The following ING5 variants were observed in gnomAD, a reference collection of about 807,000 sequenced individuals.
ING5 encodes inhibitor of growth family member 5.
In ING5, 17 loss-of-function variants were observed where a neutral mutation model predicts 37.4. That is an observed-to-expected ratio of 0.45 (90% CI 0.31 to 0.68). The LOEUF (loss-of-function observed/expected upper bound fraction) is 0.68. Among genes scored for constraint, ING5 ranks in the 30% least tolerant of loss-of-function variants. ING5 has a pLI of 0.05. For missense variants in ING5, 233 were observed against 311.9 expected, an observed-to-expected ratio of 0.75 and a Z score of 1.91; for synonymous variants, 123 against 116.6, an observed-to-expected ratio of 1.06 and a Z score of -0.36.
At chr2:241,716,475 A>C (rs968880158) in intron 5 of ING5, among the ~76,000 whole-genome samples, 3 of 141,824 alleles carry the variant, frequency 2.1e-5, no homozygotes, top group African/African-American at 7.5e-5. Context: ...TTGTATTTTT[A>C]GTAGAGACAG....
At chr2:241,712,693 A>ACGAAG (rs2070146803) in intron 5 of ING5, among the ~76,000 whole-genome samples, 1 of 152,140 alleles carries the variant, frequency 6.6e-6, no homozygotes, top group Non-Finnish European at 1.5e-5. Flanking sequence ...CTGAAATGCC[A>ACGAAG]CGAAGCCTCT....
At chr2:241,724,946 C>T (rs547791477) in intron 7 of ING5, 43 bp from the exon 8 acceptor site, 16 of 1,608,036 alleles carry the variant, frequency 1.0e-5, no homozygotes, top group South Asian at 3.3e-5. Flanking sequence ...TGCGCGCTGG[C>T]GGAAATGGCG....
chr2:241,708,182 C>T (rs778048066), intron 2 of ING5, among the ~76,000 whole-genome samples: 5 of 151,826 alleles, frequency 3.3e-5, no homozygotes, highest in African/African-American at 9.7e-5. Flanking sequence ...AGGCGTGAGC[C>T]GCCGTGCATG....
chr2:241,716,808 G>A (rs970997987), intron 5 of ING5, among the ~76,000 whole-genome samples: 2 of 152,130 alleles, frequency 1.3e-5, no homozygotes, highest in African/African-American at 2.4e-5. Flanking sequence ...CGTGAAACAC[G>A]CCTTAAAATA....
chr2:241,706,313 C>T (rs1166792861), intron 2 of ING5, among the ~76,000 whole-genome samples: 6 of 151,680 alleles, frequency 4.0e-5, no homozygotes, highest in Non-Finnish European at 7.4e-5. Flanking sequence ...TGGTAGGTTC[C>T]TGAAAAAAAG....
intron 5 of ING5, 47 bp downstream of exon 5, chr2:241,712,118 C>A (rs2070129392): frequency 7.1e-7 from 1 of 1,414,732 alleles, no homozygotes; most frequent in Non-Finnish European, 9.7e-7. Flanking sequence ...ATACCCATAG[C>A]CTGTATCCCG....
In ING5 at chr2:241,708,213, GT is replaced by G. The variant is rs982217889; in HGVS notation, c.110-991del. Among the ~76,000 whole-genome samples, 571 of 131,430 alleles carry G rather than the reference GT, an allele frequency of 4.3e-3. 3 individuals carry two copies. In the Middle Eastern group the frequency reaches 0.063, roughly 15 times the overall value. The allele number at this position is 131,430 out of a possible 152,430, so 86.2% of individuals were successfully genotyped here. A position where few individuals can be genotyped will look rare whatever the true frequency, so the allele number is the denominator to read the frequency against. Reference sequence around the variant, plus strand: ...GCATGGCCTTCAACAGTTTTCTTTTGTTTTTTTTTTTTGAGATGGAGTCTCA... The same window carrying G: ...GCATGGCCTTCAACAGTTTTCTTTTGTTTTTTTTTTTGAGATGGAGTCTCA... On this transcript the variant is annotated intron_variant, in intron 2 of 7. Transcript: ENST00000313552.
At chr2:241,718,686 G>T (rs1198712863) in intron 5 of ING5, among the ~76,000 whole-genome samples, 1 of 152,034 alleles carries the variant, frequency 6.6e-6, no homozygotes, top group African/African-American at 2.4e-5. Flanking sequence ...CGATGTGCTG[G>T]GATTACAGGC....
At position 241,718,855 on chromosome 2, in the gene ING5, T is replaced by C. The variant is rs547709030; in HGVS notation, c.483-4084T>C. ...ACTTGAGTAGCCGGGATCACAGGCA[T>C]GTGCCACCATTCCTTGGTAACCAGC... On this transcript the variant is annotated intron_variant, in intron 5 of 7. Transcript: ENST00000313552. Among the ~76,000 whole-genome samples the C allele has an allele frequency of 2.0e-4, 31 of 152,286 alleles. No individual in the cohort carries two copies. The South Asian group carries it at 4.1e-3, about 20-fold the overall frequency.
chr2:241,713,367 GTTT>G (rs1166786436), intron 5 of ING5, among the ~76,000 whole-genome samples: 3 of 102,312 alleles, frequency 2.9e-5, no homozygotes, highest in Admixed American at 1.0e-4. Flanking sequence ...CCAATTTTCA[GTTT>G]TTTTTTTTTT....
intron 2 of ING5, among the ~76,000 whole-genome samples, chr2:241,707,366 C>G (rs904056777): frequency 1.3e-5 from 2 of 149,800 alleles, no homozygotes; most frequent in Non-Finnish European, 3.0e-5. Flanking sequence ...TCTCAGCTCA[C>G]CGCAACCTCC....
upstream of ING5, among the ~76,000 whole-genome samples, chr2:241,701,652 AC>A (rs1355288840): frequency 1.3e-5 from 2 of 151,984 alleles, no homozygotes; most frequent in Admixed American, 6.5e-5. Context: ...CCTGTCCGGG[AC>A]CCGGCCGGGA....
At chr2:241,719,252 C>T (rs1344787746) in intron 5 of ING5, among the ~76,000 whole-genome samples, 1 of 152,268 alleles carries the variant, frequency 6.6e-6, no homozygotes, top group African/African-American at 2.4e-5. Context: ...AGCCTCTGGA[C>T]TATAAATGTC....
intron 5 of ING5, chr2:241,721,650 CTG>C: frequency 1.0e-6 from 1 of 985,418 alleles, no homozygotes; most frequent in Non-Finnish European, 1.2e-6. Context: ...TGCTAACCTG[CTG>C]TGTTTACATA....
At chr2:241,693,393 G>T (rs979632001) in intron 2 of ING5, among the ~76,000 whole-genome samples, 3 of 151,944 alleles carry the variant, frequency 2.0e-5, no homozygotes, top group Admixed American at 6.6e-5. Flanking sequence ...GCTTCGAGTT[G>T]TGCTGGTACT....
upstream of ING5, chr2:241,701,905 C>G (rs1448966337): frequency 8.3e-6 from 3 of 361,986 alleles, no homozygotes; most frequent in South Asian, 1.0e-4. Context: ...GCCCCGCAGC[C>G]CGCCGCCCGC....
chr2:241,708,706 G>A (rs973949634), intron 2 of ING5, among the ~76,000 whole-genome samples: 5 of 152,082 alleles, frequency 3.3e-5, no homozygotes, highest in Non-Finnish European at 5.9e-5. Context: ...TTGTCTGAAG[G>A]GACCACAGCT....
intron 1 of ING5, among the ~76,000 whole-genome samples, chr2:241,688,427 C>G (rs2069487309): frequency 6.6e-6 from 1 of 152,178 alleles, no homozygotes; most frequent in African/African-American, 2.4e-5. Flanking sequence ...GTGCTTTGGG[C>G]TGAGGTCATT....
At chr2:241,688,192 T>C (rs560194598) in intron 1 of ING5, 1 of 152,372 alleles carries the variant, frequency 6.6e-6, no homozygotes, top group Admixed American at 6.5e-5. Flanking sequence ...CCCAGAATCA[T>C]CTGTGTAGCC....
Sources: allele counts gnomAD v4.1 joint callset (sites outside exome capture counted in the v4.1 genomes callset), GRCh38; gene constraint gnomAD v4.1.1; transcripts MANE v1.5; gene names NCBI Gene and HGNC (gene_info 2026-07-23, HGNC 2026-07-21).